NIBAN2: variants seen among roughly 807,000 people sequenced by gnomAD.
NIBAN2 encodes the protein protein Niban 2.
Under a neutral mutation model 81.8 loss-of-function variants are expected in NIBAN2, and 36 were observed. The ratio of observed to expected loss-of-function variants is 0.44; its 90% CI spans 0.34 to 0.58. The LOEUF is 0.58. NIBAN2 is among the 20% of genes least tolerant of loss of function. The pLI, the probability that NIBAN2 is intolerant of heterozygous loss-of-function variation, is 0.02. For synonymous variants in NIBAN2, 445 were observed against 441.6 expected (o/e 1.01, Z -0.10); for missense variants, 897 against 1,014.1 (o/e 0.88, Z 1.57).
chr9:127,538,381 C>T (rs958736838), intron 1 of NIBAN2, among the ~76,000 whole-genome samples: 1 of 152,158 alleles, frequency 6.6e-6, no homozygotes, highest in African/African-American at 2.4e-5. Flanking sequence ...AGTATCCCAT[C>T]TGACAGATAA....
At chr9:127,546,670 G>A (rs1170424028) in intron 1 of NIBAN2, among the ~76,000 whole-genome samples, 10 of 152,160 alleles carry the variant, frequency 6.6e-5, no homozygotes, top group Admixed American at 2.0e-4. Context: ...AAGCCAAAAT[G>A]GCAGATGTCA....
At chr9:127,539,266 C>G (rs777559335) in intron 1 of NIBAN2, among the ~76,000 whole-genome samples, 9 of 152,152 alleles carry the variant, frequency 5.9e-5, no homozygotes, top group Non-Finnish European at 1.3e-4. Flanking sequence ...CAGAGCCCTA[C>G]CCCGCAAAGC....
intron 1 of NIBAN2, among the ~76,000 whole-genome samples, chr9:127,575,133 C>A (rs1343763487): frequency 6.6e-6 from 1 of 152,204 alleles, no homozygotes; most frequent in Non-Finnish European, 1.5e-5. Flanking sequence ...CCAGTCCCTC[C>A]CCCCACTTCC....
At chr9:127,543,742 CCACAGTT>C (rs1837423170) in intron 1 of NIBAN2, among the ~76,000 whole-genome samples, 1 of 152,224 alleles carries the variant, frequency 6.6e-6, no homozygotes, top group Non-Finnish European at 1.5e-5. Context: ...CCCTTCAATT[CCACAGTT>C]CACAATCTTA....
Position 127,507,379 on chromosome 9 carries a change from C to T in NIBAN2, c.1707G>A (p.Met569Ile). 6.6e-7 allele frequency: 1 copy of T among 1,525,070 alleles called. No homozygotes were observed. Among genetic ancestry groups the T allele is most frequent in the East Asian group, 2.3e-5 (1 of 44,032 alleles). The allele number at this position is 1,525,070 out of a possible 1,614,324, so 94.5% of individuals were successfully genotyped here. A position where few individuals can be genotyped will look rare whatever the true frequency, so the allele number is the denominator to read the frequency against. ...QRKHNLYRDS[M>I]VMHNSDPNLH... ...GGTTGGGGTCGCTGTTGTGCATGAC[C>T]ATGCTGTCCCGGTAGAGGTTGTGCT... Residue 569 changes from methionine (M) to isoleucine (I), a missense_variant, in exon 14 of 14, where the codon ATG (methionine) becomes ATA (isoleucine). Coordinates refer to ENST00000373312, the MANE Select transcript of NIBAN2 (RefSeq NM_022833.4). This position sits in a 1 kb window ranked among gnomAD's most constrained non-coding sequence, Gnocchi z 6.8.
At position 127,507,256 on chromosome 9, in the gene NIBAN2, G is replaced by A; in HGVS notation, c.1830C>T (p.Ala610=). ...CGCGCCGTCGCTTTTCCGAGAGGGT[G>A]GCTGACTCCGGGGTGCTGGGGCTGG... The part of the protein sequence containing the change: ...GSPSPSTPES[A]TLSEKRRRAK... Residue 610 remains alanine (A), a synonymous_variant, in exon 14 of 14, where the codon GCC becomes GCT. Coordinates refer to ENST00000373312, the MANE Select transcript of NIBAN2 (RefSeq NM_022833.4). The surrounding 1 kb of genome is among the most constrained non-coding windows in gnomAD (Gnocchi z 6.8). The A allele has an allele frequency of 1.9e-6, 3 of 1,608,918 alleles. No homozygotes were observed. The highest frequency in any genetic ancestry group is 2.5e-6 in the Non-Finnish European group (3 of 1,176,836).
rs2132198048 is a variant in NIBAN2, at chr9:127,536,907, G to C, written c.56-5129C>G. On this transcript the variant is annotated intron_variant, in intron 1 of 13. Transcript: ENST00000373312. The surrounding 1 kb of genome is among the most constrained non-coding windows in gnomAD (Gnocchi z 4.0). Reference sequence around the variant, plus strand: ...CTACAGAGGCAGGGCTGGCCCGCAGGTCCTGGGCCCAGGAACTGGGGGGCT... The same window carrying C: ...CTACAGAGGCAGGGCTGGCCCGCAGCTCCTGGGCCCAGGAACTGGGGGGCT... Among the ~76,000 whole-genome samples, 1 of 152,342 alleles carries C rather than the reference G, an allele frequency of 6.6e-6. No homozygotes were observed. The highest frequency in any genetic ancestry group is 2.1e-4 in the South Asian group (1 of 4,828).
chr9:127,546,160 T>C (rs7033360), intron 1 of NIBAN2, among the ~76,000 whole-genome samples: 43,386 of 152,116 alleles, frequency 0.29, 7,807 homozygotes, highest in East Asian at 0.55. Flanking sequence ...CCTCCTTTCC[T>C]CTCACATGGA....
intron 8 of NIBAN2, among the ~76,000 whole-genome samples, chr9:127,512,821 C>A (rs1836761425): frequency 6.6e-6 from 1 of 152,078 alleles, no homozygotes; most frequent in African/African-American, 2.4e-5. Context: ...GGAGGTTCCT[C>A]AAAAAACTAA....
At chr9:127,530,507 T>G (rs1654196980) in intron 2 of NIBAN2, among the ~76,000 whole-genome samples, 1 of 150,134 alleles carries the variant, frequency 6.7e-6, no homozygotes, top group Non-Finnish European at 1.5e-5. Context: ...CAATCACAGG[T>G]TCCTCTTCCC....
intron 2 of NIBAN2, among the ~76,000 whole-genome samples, chr9:127,527,982 G>A (rs1264271750): frequency 6.6e-6 from 1 of 152,212 alleles, no homozygotes; most frequent in Non-Finnish European, 1.5e-5. Flanking sequence ...TACATGGGCT[G>A]CAGAAACGCC....
At chr9:127,526,174 G>A (rs1030798791) in intron 3 of NIBAN2, among the ~76,000 whole-genome samples, 5 of 151,946 alleles carry the variant, frequency 3.3e-5, no homozygotes, top group Non-Finnish European at 7.4e-5. Flanking sequence ...GGCCGAGGTG[G>A]GCAGATCATG....
chr9:127,567,372 C>G (rs1837876063), intron 1 of NIBAN2, among the ~76,000 whole-genome samples: 1 of 152,186 alleles, frequency 6.6e-6, no homozygotes, highest in African/African-American at 2.4e-5. Flanking sequence ...CAGGCCTGGT[C>G]GGATAAGGAG....
At chr9:127,546,009 G>A (rs897678858) in intron 1 of NIBAN2, among the ~76,000 whole-genome samples, 10 of 152,110 alleles carry the variant, frequency 6.6e-5, no homozygotes, top group South Asian at 4.1e-4. Context: ...AGGGGGTGCC[G>A]AGGCCCCCAG....
chr9:127,531,621 T>C, intron 2 of NIBAN2, 27 bp downstream of exon 2: 15 of 1,607,280 alleles, frequency 9.3e-6, no homozygotes, highest in Admixed American at 1.7e-5. Flanking sequence ...TAGCAGAACA[T>C]ACCCGAGCCC....
At position 127,537,622 on chromosome 9, in the gene NIBAN2, C is replaced by T. The variant is rs144847472; in HGVS notation, c.56-5844G>A. On this transcript the variant is annotated intron_variant, in intron 1 of 13. Transcript: ENST00000373312. The stretch of plus-strand genomic sequence containing the variant: ...TGGCATAACCCTTAGCCTCTGCTGG[C>T]GCCCAGAGCCGTTGGTTGCCCCCTT... 2.6e-5 allele frequency among the ~76,000 whole-genome samples: 4 copies of T among 152,274 alleles called. No individual in the cohort carries two copies. The East Asian group carries it at 5.8e-4, about 22-fold the overall frequency.
Position 127,545,711 on chromosome 9 carries a change from G to A in NIBAN2, c.56-13933C>T, listed in dbSNP as rs1307682337. ...AGGAGGGCTGGGAGGAGAGGGCGGG[G>A]CTGAGGCGGGAGCCCAGAGAAATGC... On this transcript the variant is annotated intron_variant, in intron 1 of 13. Transcript: ENST00000373312. The surrounding 1 kb of genome is among the most constrained non-coding windows in gnomAD (Gnocchi z 4.7). 6.6e-6 allele frequency among the ~76,000 whole-genome samples: 1 copy of A among 152,222 alleles called. No homozygotes were observed. The highest frequency in any genetic ancestry group is 1.5e-5 in the Non-Finnish European group (1 of 68,034).
chr9:127,570,172 C>G (rs969121793), upstream of NIBAN2, among the ~76,000 whole-genome samples: 1 of 152,192 alleles, frequency 6.6e-6, no homozygotes, highest in Non-Finnish European at 1.5e-5. Context: ...TTGGGCAGCT[C>G]TTAGTGTGAC....
chr9:127,569,792 C>G (rs1348222202), upstream of NIBAN2, among the ~76,000 whole-genome samples: 1 of 152,260 alleles, frequency 6.6e-6, no homozygotes, highest in Non-Finnish European at 1.5e-5. Context: ...GGGCTTGCCT[C>G]AGGCTCAGCA....
Sources: gnomAD v4.1 joint callset for allele counts (sites outside exome capture counted in the v4.1 genomes callset) on GRCh38, gnomAD v4.1.1 for gene constraint, Gnocchi (gnomAD v3.1) non-coding constraint, MANE v1.5 for transcripts, NCBI Gene and HGNC (gene_info 2026-07-23, HGNC 2026-07-21) for gene names.